PDLIM5: variants seen among roughly 807,000 people sequenced by gnomAD.
The protein encoded by PDLIM5 is PDZ and LIM domain 5, also known as PDZ and LIM domain protein 5.
PDLIM5 carries 34 observed loss-of-function variants against 64.2 expected under a neutral mutation model. The ratio of observed to expected loss-of-function variants is 0.53; its 90% CI spans 0.40 to 0.71. PDLIM5 has a LOEUF of 0.71. Ranked by LOEUF, PDLIM5 falls within the 30% of genes least tolerant of loss-of-function variation. The pLI is 0.00. For missense variants in PDLIM5, 683 were observed against 733.6 expected (o/e 0.93, Z 0.80); for synonymous variants, 253 against 269.1 (o/e 0.94, Z 0.59).
rs767361059 is a variant in PDLIM5, at chr4:94,528,425, G to A, written c.248+4550G>A. On this transcript the variant is annotated intron_variant, in intron 3 of 12. Coordinates refer to ENST00000317968, the MANE Select transcript of PDLIM5 (RefSeq NM_006457.5). ...CCTAATTAGCTAATAGTCATACCTA[G>A]CACTGCCTATGTTATTTACTAATTA... Among the ~76,000 whole-genome samples, 4 of 152,234 alleles carry A rather than the reference G, an allele frequency of 2.6e-5. No homozygotes were observed. The South Asian group carries it at 6.2e-4, about 24-fold the overall frequency.
intron 2 of PDLIM5, among the ~76,000 whole-genome samples, chr4:94,472,580 T>C (rs1163058019): frequency 6.6e-6 from 1 of 152,224 alleles, no homozygotes; most frequent in East Asian, 1.9e-4. Context: ...TATTGCTTTC[T>C]AGGTGTTTTT....
chr4:94,574,422 C>T (rs2452599), intron 4 of PDLIM5, among the ~76,000 whole-genome samples: 37,818 of 149,538 alleles, frequency 0.25, 5,288 homozygotes, highest in East Asian at 0.38. Flanking sequence ...CACTTGAACC[C>T]GGGAAGTGGA....
chr4:94,552,740 A>G (rs1732920406), intron 3 of PDLIM5, among the ~76,000 whole-genome samples: 1 of 152,182 alleles, frequency 6.6e-6, no homozygotes, highest in Non-Finnish European at 1.5e-5. Flanking sequence ...GAAGGATAAG[A>G]TCTTTTCCCC....
intron 3 of PDLIM5, among the ~76,000 whole-genome samples, chr4:94,547,709 G>A (rs900039780): frequency 6.6e-6 from 1 of 152,170 alleles, no homozygotes; most frequent in African/African-American, 2.4e-5. Context: ...TAACAATGTA[G>A]ATTATGTGAG....
intron 3 of PDLIM5, among the ~76,000 whole-genome samples, chr4:94,550,938 G>C (rs1732751829): frequency 6.6e-6 from 1 of 152,102 alleles, no homozygotes; most frequent in South Asian, 2.1e-4. Flanking sequence ...GATACAGAAA[G>C]AAGTAAGAGA....
chr4:94,458,937 A>G (rs1008016230), intron 2 of PDLIM5, among the ~76,000 whole-genome samples: 3 of 152,190 alleles, frequency 2.0e-5, no homozygotes, highest in African/African-American at 7.2e-5. Flanking sequence ...CTGGATGATC[A>G]CATGTCATTT....
At chr4:94,496,342 A>G (rs1727393740) in intron 2 of PDLIM5, among the ~76,000 whole-genome samples, 1 of 152,190 alleles carries the variant, frequency 6.6e-6, no homozygotes, top group South Asian at 2.1e-4. Context: ...TTTCCAAGTG[A>G]AATCTGGGGA....
rs1194208529 is a variant in PDLIM5, at chr4:94,458,257, TTTAA to T, written c.96+2879_96+2882del. On this transcript the variant is annotated intron_variant, in intron 2 of 12. Transcript: ENST00000317968. ...TGGGATATTACTGGTCATCAGGTTC[TTTAA>T]TTAATAGTATCAAGAAACAATTAAA... Among the ~76,000 whole-genome samples the T allele has an allele frequency of 1.4e-4, 22 of 152,334 alleles. No individual in the cohort carries two copies. The East Asian group carries it at 2.5e-3, about 17-fold the overall frequency.
chr4:94,629,707 C>T (rs970540000), intron 8 of PDLIM5, among the ~76,000 whole-genome samples: 2 of 152,232 alleles, frequency 1.3e-5, no homozygotes, highest in Non-Finnish European at 1.5e-5. Context: ...ATATTTGATA[C>T]TTAGACTTGG....
chr4:94,585,365 C>T (rs1177042681), intron 5 of PDLIM5, among the ~76,000 whole-genome samples, 200 bp from the exon 6 acceptor site: 1 of 152,160 alleles, frequency 6.6e-6, no homozygotes, highest in East Asian at 1.9e-4. Flanking sequence ...GCTGGGATTA[C>T]AGGCGTGAGC....
intron 5 of PDLIM5, 45 bp from the exon 6 acceptor site, chr4:94,585,520 A>G: frequency 5.8e-6 from 7 of 1,203,246 alleles, no homozygotes; most frequent in South Asian, 3.6e-5. Flanking sequence ...TATCCTTTTA[A>G]TATAACTTTA....
chr4:94,542,095 T>C (rs1731858781), intron 3 of PDLIM5, among the ~76,000 whole-genome samples: 2 of 152,146 alleles, frequency 1.3e-5, no homozygotes, highest in Admixed American at 6.5e-5. Context: ...GCAGATCACC[T>C]GAGGTCAGGA....
At chr4:94,456,080 T>G in intron 2 of PDLIM5, 1 of 990,676 alleles carries the variant, frequency 1.0e-6, no homozygotes, top group Non-Finnish European at 1.3e-6. Context: ...TCAGGTACTG[T>G]TTCACTTTCA....
intron 5 of PDLIM5, chr4:94,582,773 A>C: frequency 7.6e-7 from 1 of 1,315,792 alleles, no homozygotes; most frequent in Non-Finnish European, 1.1e-6. Flanking sequence ...TTGTCTCTGT[A>C]ACTTTCCTTC....
At chr4:94,631,958 A>C (rs1740186218) in intron 8 of PDLIM5, among the ~76,000 whole-genome samples, 1 of 152,238 alleles carries the variant, frequency 6.6e-6, no homozygotes, top group African/African-American at 2.4e-5. Flanking sequence ...TAGCTTAGAT[A>C]CTTCTCCTGA....
chr4:94,575,596 T>G lies in PDLIM5; in HGVS notation c.292-20T>G. 4.7e-6 allele frequency: 7 copies of G among 1,493,504 alleles called. No individual in the cohort carries two copies. The South Asian group carries it at 5.2e-5, about 11-fold the overall frequency. 92.5% of individuals were successfully genotyped at this position (1,493,504 alleles called of 1,614,324 possible). ...TGTGTTTGGTGTGGTTTTGTGTATG[T>G]TTATTTTTGTTTTACATAGGGAGAA... On this transcript the variant is annotated intron_variant, in intron 4 of 12. Transcript: ENST00000317968.
At chr4:94,455,857 GC>G (rs1395951895) in intron 2 of PDLIM5, 1 of 1,380,720 alleles carries the variant, frequency 7.2e-7, no homozygotes, top group East Asian at 2.5e-5. Flanking sequence ...CAGTAAGATG[GC>G]CAAAAGCTAC....
chr4:94,606,429 G>A (rs1342234313), intron 7 of PDLIM5, among the ~76,000 whole-genome samples: 1 of 152,140 alleles, frequency 6.6e-6, no homozygotes, highest in African/African-American at 2.4e-5. Flanking sequence ...ATCCCAGTGA[G>A]GGTGTGGTAG....
At chr4:94,540,799 T>C (rs1177632314) in intron 3 of PDLIM5, among the ~76,000 whole-genome samples, 5 of 152,230 alleles carry the variant, frequency 3.3e-5, no homozygotes, top group African/African-American at 1.2e-4. Flanking sequence ...TGCCTCCCAT[T>C]AGCAACACAA....
Sources: allele counts gnomAD v4.1 joint callset (sites outside exome capture counted in the v4.1 genomes callset), GRCh38; gene constraint gnomAD v4.1.1; transcripts MANE v1.5; gene names NCBI Gene and HGNC (gene_info 2026-07-23, HGNC 2026-07-21).